The following SENP1 variants were observed in gnomAD, a reference collection of about 807,000 sequenced individuals.
The protein encoded by SENP1 is SUMO specific peptidase 1.
A neutral mutation model predicts 93.0 loss-of-function variants in SENP1; 21 were observed. That is an observed-to-expected ratio of 0.23 (90% confidence interval 0.16 to 0.33). The LOEUF (loss-of-function observed/expected upper bound fraction) is 0.33, where lower values mean the gene tolerates loss of function less well. Ranked by LOEUF, SENP1 falls within the 10% of genes least tolerant of loss-of-function variation. The probability of loss-of-function intolerance (pLI) is 1.00; values close to 1 mark genes in which losing one functional copy is unlikely to be tolerated. For synonymous variants in SENP1, 256 were observed against 259.6 expected (o/e 0.99, Z 0.13); for missense variants, 591 against 758.7 (o/e 0.78, Z 2.60).
At chr12:48,056,301 TTAATA>T (rs1364299233) in intron 13 of SENP1, among the ~76,000 whole-genome samples, 12 of 111,028 alleles carry the variant, frequency 1.1e-4, no homozygotes, top group Non-Finnish European at 1.3e-4. Context: ...AAAATATTAT[TTAATA>T]TATTACATAT....
rs989242301 is a variant in SENP1 at position 48,065,654 on chromosome 12, C to T, written c.1061G>A (p.Arg354Gln). The T allele has an allele frequency of 7.7e-6, 12 of 1,560,602 alleles. No individual in the cohort carries two copies. The highest frequency in any genetic ancestry group is 6.8e-5 in the African/African-American group (5 of 73,602). The change falls in exon 11 of 18, where the codon CGA (arginine) becomes CAA (glutamine). Residue 354 changes from arginine to glutamine, a missense_variant. Physicochemically the swap from Arg to Gln is conservative, Grantham distance 43 (BLOSUM62 1). Around this residue, in one of 4 missense-constraint regions of SENP1, gnomAD observed 238 missense variants for 259.1 expected, o/e 0.92. Transcript: ENST00000549518. ...TTCTTCAATCTGGCGCAATCTTTCTCGTGCTCGAGAATCATAAACACTAGT... is the reference window on the plus strand; with the variant it reads ...TTCTTCAATCTGGCGCAATCTTTCTTGTGCTCGAGAATCATAAACACTAGT... ...ELTSVYDSRA[R>Q]ERLRQIEEQK...
chr12:48,062,380 C>A (rs1943015368), intron 13 of SENP1, among the ~76,000 whole-genome samples: 1 of 152,150 alleles, frequency 6.6e-6, no homozygotes, highest in African/African-American at 2.4e-5. Context: ...GTTCTAATAT[C>A]TGAGCCAAAA....
intron 9 of SENP1, among the ~76,000 whole-genome samples, chr12:48,068,267 G>A (rs999235096): frequency 1.3e-5 from 2 of 152,092 alleles, no homozygotes; most frequent in African/African-American, 4.8e-5. Flanking sequence ...ACAAAATGCA[G>A]GGAAAATCTG....
chr12:48,048,322 A>G (rs10875732), intron 14 of SENP1, among the ~76,000 whole-genome samples: 165 of 152,214 alleles, frequency 1.1e-3, no homozygotes, highest in African/African-American at 3.4e-3. Flanking sequence ...GCCTTTTTCT[A>G]ATGTTCATTC....
chr12:48,051,112 G>A (rs1941778338), intron 13 of SENP1, among the ~76,000 whole-genome samples: 3 of 151,662 alleles, frequency 2.0e-5, no homozygotes. Flanking sequence ...ACATAAATGA[G>A]TGTCATGCTA....
chr12:48,096,369 G>A lies in SENP1; in HGVS notation c.194C>T (p.Ala65Val). The A allele has an allele frequency of 6.2e-7, 1 of 1,607,308 alleles. No individual in the cohort carries two copies. Among genetic ancestry groups the A allele is most frequent in the Non-Finnish European group, 8.5e-7 (1 of 1,174,240 alleles). ...DRSFTCSTRS[A>V]AYNPSYYSDN... ...TGAGTAATAGCTTGGATTATAAGCT[G>A]CACTTCTTGTGGAACATGTAAAAGA... Residue 65 changes from alanine (A) to valine (V), a missense_variant, in exon 4 of 18, where the codon GCA (alanine) becomes GTA (valine). Physicochemically the swap from Ala to Val is moderately conservative, Grantham distance 64 (BLOSUM62 0). This residue lies in a region of SENP1 where 214 missense variants were observed against 243.4 expected (regional missense o/e 0.88). Coordinates refer to ENST00000549518, the MANE Select transcript of SENP1 (RefSeq NM_001267594.2).
chr12:48,089,118 A>G lies in SENP1; in HGVS notation c.221-158T>C, dbSNP rs1038337161. The G allele has an allele frequency of 9.5e-6, 15 of 1,574,168 alleles. No individual in the cohort carries two copies. The Admixed American group carries it at 2.3e-4, about 24-fold the overall frequency. ...AGTCTCAACTGCCAGTAAAGTCTGC[A>G]GTAGGGGAACTTCTACAAACTATAA... On this transcript the variant is annotated intron_variant, in intron 4 of 17. Transcript: ENST00000549518.
Position 48,048,063 on chromosome 12 carries a change from C to G in SENP1, c.1629G>C (p.Lys543Asn). Residue 543 changes from lysine (K) to asparagine (N), a missense_variant, in exon 15 of 18, where the codon AAG becomes AAC. Lys to Asn is a moderately conservative substitution (Grantham distance 94). This residue lies in a region of SENP1 where 132 missense variants were observed against 230.1 expected (regional missense o/e 0.57). Transcript: ENST00000549518. ...HWCLAVVDFR[K>N]KNITYYDSMG... ...TGGAGTCGTAATAGGTAATATTCTT[C>G]TTTCTAAAGTCCACAACCTGAGAAT... 6.2e-7 allele frequency: 1 copy of G among 1,603,946 alleles called. No homozygotes were observed. The highest frequency in any genetic ancestry group is 8.5e-7 in the Non-Finnish European group (1 of 1,171,068).
intron 9 of SENP1, among the ~76,000 whole-genome samples, chr12:48,069,495 C>A (rs978470833): frequency 1.3e-5 from 2 of 152,120 alleles, no homozygotes; most frequent in African/African-American, 4.8e-5. Flanking sequence ...GGAAATCCTC[C>A]GTAAAGGAAA....
At chr12:48,090,755 C>T (rs1219409190) in intron 4 of SENP1, among the ~76,000 whole-genome samples, 1 of 152,010 alleles carries the variant, frequency 6.6e-6, no homozygotes, top group Non-Finnish European at 1.5e-5. Flanking sequence ...TACCATCATA[C>T]ATGCCTAATT....
intron 13 of SENP1, among the ~76,000 whole-genome samples, chr12:48,063,422 C>CT (rs1943088438): frequency 6.6e-6 from 1 of 152,118 alleles, no homozygotes; most frequent in Admixed American, 6.6e-5. Flanking sequence ...GAATAGGAGC[C>CT]TTAAAGAGTG....
Position 48,064,677 on chromosome 12 carries a change from T to G in SENP1, c.1275+388A>C, listed in dbSNP as rs182149715. On this transcript the variant is annotated intron_variant, in intron 12 of 17. Coordinates refer to ENST00000549518, the MANE Select transcript of SENP1 (RefSeq NM_001267594.2). Reference sequence around the variant, plus strand: ...TAAATAACACGTGTTCTATGGCTTTTTGTGTGTGTGTGTATGTGAGATGGA... The same window carrying G: ...TAAATAACACGTGTTCTATGGCTTTGTGTGTGTGTGTGTATGTGAGATGGA... Among the ~76,000 whole-genome samples, 27 of 152,096 alleles carry G rather than the reference T, an allele frequency of 1.8e-4. 1 individual carries two copies. The East Asian group carries it at 4.6e-3, about 26-fold the overall frequency.
chr12:48,076,367 C>G (rs1301490199), intron 6 of SENP1, among the ~76,000 whole-genome samples: 1 of 152,084 alleles, frequency 6.6e-6, no homozygotes, highest in Non-Finnish European at 1.5e-5. Context: ...CTGACCAGCC[C>G]AGGCTGGAGT....
intron 4 of SENP1, among the ~76,000 whole-genome samples, chr12:48,094,861 C>T (rs1482204928): frequency 1.3e-5 from 2 of 152,036 alleles, no homozygotes; most frequent in African/African-American, 4.8e-5. Context: ...CAAACATAGC[C>T]TGAGTTCAAA....
chr12:48,093,802 C>CA (rs908512774), intron 4 of SENP1, among the ~76,000 whole-genome samples: 1 of 150,360 alleles, frequency 6.7e-6, no homozygotes, highest in African/African-American at 2.4e-5. Flanking sequence ...CCGTCTCTAC[C>CA]AAAAAATGCA....
At chr12:48,097,970 T>C (rs1945673194) in intron 3 of SENP1, 24 bp downstream of exon 3, 6 of 1,603,092 alleles carry the variant, frequency 3.7e-6, no homozygotes, top group Non-Finnish European at 3.4e-6. Context: ...ATTAATTAAT[T>C]AAAGGAAGAA....
intron 13 of SENP1, among the ~76,000 whole-genome samples, chr12:48,057,757 C>T (rs1016809234): frequency 1.3e-5 from 2 of 149,952 alleles, no homozygotes; most frequent in Admixed American, 6.7e-5. Context: ...CACACGATGA[C>T]GGGCTAATTT....
chr12:48,046,462 AAC>A lies in SENP1; in HGVS notation c.1777-13_1777-12del. On this transcript the variant is annotated splice_polypyrimidine_tract_variant and intron_variant, in intron 16 of 17. Coordinates refer to ENST00000549518, the MANE Select transcript of SENP1 (RefSeq NM_001267594.2). ...CTGCTGAGGAATCTCCTGGAAGACCAACAACAAAAAAAATGACATCTTTCCAA... is the reference window on the plus strand; with the variant it reads ...CTGCTGAGGAATCTCCTGGAAGACCAAACAAAAAAAATGACATCTTTCCAA... 6.4e-7 allele frequency: 1 copy of A among 1,571,072 alleles called. No individual in the cohort carries two copies. The highest frequency in any genetic ancestry group is 8.8e-7 in the Non-Finnish European group (1 of 1,141,154).
intron 6 of SENP1, among the ~76,000 whole-genome samples, chr12:48,078,650 A>G (rs1944309424): frequency 6.6e-6 from 1 of 151,870 alleles, no homozygotes; most frequent in African/African-American, 2.4e-5. Context: ...CCTCCTGAGT[A>G]GCTGGGATTA....
Sources: gnomAD v4.1 joint callset for allele counts (sites outside exome capture counted in the v4.1 genomes callset) on GRCh38, gnomAD v4.1.1 for gene constraint, gnomAD v4.1.1 regional missense constraint, MANE v1.5 for transcripts, NCBI Gene and HGNC (gene_info 2026-07-23, HGNC 2026-07-21) for gene names.